Variants in LRIG3 observed in about 807,000 individuals in gnomAD.
LRIG3 encodes leucine-rich repeats and immunoglobulin-like domains protein 3.
LRIG3 carries 76 observed loss-of-function variants against 114.5 expected under a neutral mutation model. The observed-to-expected ratio is 0.66, with a 90% CI of 0.55 to 0.80. The LOEUF (loss-of-function observed/expected upper bound fraction) is 0.80. Among genes scored for constraint, LRIG3 ranks in the 30% least tolerant of loss-of-function variants. The pLI, the probability that LRIG3 is intolerant of heterozygous loss-of-function variation, is 0.00. For missense variants in LRIG3, 1,239 were observed against 1,382.8 expected, an observed-to-expected ratio of 0.90 and a Z score of 1.65; for synonymous variants, 512 against 519.8, an observed-to-expected ratio of 0.98 and a Z score of 0.20.
Position 58,872,401 on chromosome 12 carries a change from C to T in LRIG3, c.*171G>A. 1.8e-6 allele frequency: 1 copy of T among 563,044 alleles called. No individual in the cohort carries two copies. The highest frequency in any genetic ancestry group is 2.7e-6 in the Non-Finnish European group (1 of 365,090). 34.9% of individuals were successfully genotyped at this position (563,044 alleles called of 1,614,324 possible). A position where few individuals can be genotyped will look rare whatever the true frequency, so the allele number is the denominator to read the frequency against. On this transcript the variant is annotated 3_prime_UTR_variant, in exon 19 of 19. Transcript: ENST00000320743. ...AGGTATTCTTATATGAGCATCATTC[C>T]CAGTATAAAAATTTTCATAACTTTT...
intron 13 of LRIG3, 61 bp from the exon 14 acceptor site, chr12:58,879,166 T>G: frequency 6.7e-7 from 1 of 1,488,482 alleles, no homozygotes; most frequent in Non-Finnish European, 9.0e-7. Context: ...TCACTTGCAT[T>G]CCTTTTTATT....
rs536685528 is a variant in LRIG3 at position 58,884,233 on chromosome 12, A to G, written c.1245-642T>C. ...ATATACTTGTTAAAACCAATACTTC[A>G]GGCAGGAAATTCATAAAATGAGCAC... On this transcript the variant is annotated intron_variant, in intron 10 of 18. Coordinates refer to ENST00000320743, the MANE Select transcript of LRIG3 (RefSeq NM_153377.5). Among the ~76,000 whole-genome samples, 3 of 152,368 alleles carry G rather than the reference A, an allele frequency of 2.0e-5. No homozygotes were observed. In the East Asian group the frequency reaches 5.8e-4, roughly 29 times the overall value.
intron 13 of LRIG3, among the ~76,000 whole-genome samples, chr12:58,879,565 C>A (rs1194632398): frequency 6.6e-6 from 1 of 152,156 alleles, no homozygotes; most frequent in African/African-American, 2.4e-5. Context: ...ATGTGCCAGG[C>A]CACAGCCATC....
intron 3 of LRIG3, 147 bp downstream of exon 3, chr12:58,913,835 G>A (rs1872372295): frequency 1.6e-6 from 1 of 620,758 alleles, no homozygotes. Context: ...TAGAAAACAA[G>A]TTAACCAATT....
At chr12:58,877,946 A>C in intron 14 of LRIG3, 94 bp from the exon 15 acceptor site, 2 of 1,264,888 alleles carry the variant, frequency 1.6e-6, no homozygotes, top group Admixed American at 2.7e-5. Flanking sequence ...TTGTAACCTA[A>C]AATTTTATTC....
chr12:58,877,752 C>T lies in LRIG3; in HGVS notation c.2184G>A (p.Leu728=). 1 of 1,614,160 alleles carries T rather than the reference C, an allele frequency of 6.2e-7. No individual in the cohort carries two copies. The highest frequency in any genetic ancestry group is 1.6e-4 in the Middle Eastern group (1 of 6,062). The stretch of plus-strand genomic sequence containing the variant: ...ATGGGCTATCATCTTTGGTCCAGTT[C>T]AGTTTAGGGGGAGGGCTTCCTCCAG... ...CIAGGSPPPK[L]NWTKDDSPLV... The change falls in exon 15 of 19, where the codon CTG becomes CTA. Residue 728 remains leucine (L), a synonymous_variant. Transcript: ENST00000320743.
rs1871098420 is a variant in LRIG3, at chr12:58,880,706, A to C, written c.1676T>G (p.Val559Gly). The change falls in exon 13 of 19, where the codon GTG becomes GGG. Residue 559 changes from valine to glycine, a missense_variant. By Grantham distance (109) the Val-to-Gly change is moderately radical (BLOSUM62 -3). Coordinates refer to ENST00000320743, the MANE Select transcript of LRIG3 (RefSeq NM_153377.5). ...YAHLRAQGGE[V>G]MEYTTILRLR... ...CCGAAGGATGGTGGTATACTCCATC[A>C]CCTCGCCACCTTGGGCCCGGAGGTG... 6.2e-7 allele frequency: 1 copy of C among 1,614,170 alleles called. No homozygotes were observed. Among genetic ancestry groups the C allele is most frequent in the Admixed American group, 1.7e-5 (1 of 60,026 alleles).
intron 13 of LRIG3, 119 bp from the exon 14 acceptor site, chr12:58,879,224 G>C: frequency 8.3e-7 from 1 of 1,201,844 alleles, no homozygotes; most frequent in South Asian, 1.6e-5. Flanking sequence ...ACATAGATTG[G>C]GCAGGGGTTA....
chr12:58,904,621 G>C (rs1032996046), intron 3 of LRIG3, among the ~76,000 whole-genome samples: 1 of 152,114 alleles, frequency 6.6e-6, no homozygotes, highest in Non-Finnish European at 1.5e-5. Context: ...GCCCAAAATG[G>C]GTCATTGTCA....
At chr12:58,909,303 T>A (rs552606355) in intron 3 of LRIG3, among the ~76,000 whole-genome samples, 2 of 152,226 alleles carry the variant, frequency 1.3e-5, no homozygotes, top group African/African-American at 2.4e-5. Context: ...ACCCAGAACA[T>A]AGTAGGATTT....
chr12:58,904,267 G>A (rs1871978950), intron 3 of LRIG3, among the ~76,000 whole-genome samples: 1 of 152,134 alleles, frequency 6.6e-6, no homozygotes, highest in Non-Finnish European at 1.5e-5. Context: ...AAATAAGGAA[G>A]AGAAGGGGGA....
At chr12:58,887,243 C>T (rs745375408) in intron 8 of LRIG3, among the ~76,000 whole-genome samples, 15 of 151,952 alleles carry the variant, frequency 9.9e-5, no homozygotes, top group Non-Finnish European at 1.9e-4. Context: ...TACAGTATGT[C>T]TTTCAATTAC....
At chr12:58,900,897 A>T (rs1871823307) in intron 3 of LRIG3, among the ~76,000 whole-genome samples, 1 of 152,222 alleles carries the variant, frequency 6.6e-6, no homozygotes, top group Non-Finnish European at 1.5e-5. Context: ...AGGTGAGTTC[A>T]CATCCTTTGT....
At chr12:58,908,806 CATAG>C (rs1044653727) in intron 3 of LRIG3, among the ~76,000 whole-genome samples, 2 of 152,162 alleles carry the variant, frequency 1.3e-5, no homozygotes, top group African/African-American at 4.8e-5. Context: ...TTCATACATT[CATAG>C]ATAATGTAAT....
At chr12:58,907,199 C>G (rs1872099121) in intron 3 of LRIG3, among the ~76,000 whole-genome samples, 1 of 152,166 alleles carries the variant, frequency 6.6e-6, no homozygotes, top group Non-Finnish European at 1.5e-5. Flanking sequence ...GTTCAGAGCA[C>G]CTTGAAAGTG....
chr12:58,920,317 T>A lies in LRIG3; in HGVS notation c.-82A>T, dbSNP rs949307746. ...CCCGGCACAAACTTCCAGCCGAGGG[T>A]GCACGCCCGCCCTCGCGGTCGCGTG... On this transcript the variant is annotated 5_prime_UTR_variant, in exon 1 of 19. Transcript: ENST00000320743. 1.9e-6 allele frequency: 2 copies of A among 1,066,702 alleles called. No individual in the cohort carries two copies. The highest frequency in any genetic ancestry group is 3.3e-5 in the African/African-American group (2 of 59,954). The allele number at this position is 1,066,702 out of a possible 1,614,324, so 66.1% of individuals were successfully genotyped here.
At chr12:58,903,721 C>A (rs1279166766) in intron 3 of LRIG3, among the ~76,000 whole-genome samples, 2 of 151,844 alleles carry the variant, frequency 1.3e-5, no homozygotes. Context: ...AGTCTTTAAT[C>A]CATCTTGAAT....
intron 3 of LRIG3, chr12:58,913,457 T>C (rs1317697737): frequency 6.6e-6 from 1 of 152,278 alleles, no homozygotes; most frequent in African/African-American, 2.4e-5. Flanking sequence ...ACCTGCAAAG[T>C]TATTTCTGTC....
chr12:58,918,259 A>T (rs1181035514), intron 1 of LRIG3, among the ~76,000 whole-genome samples: 1 of 152,262 alleles, frequency 6.6e-6, no homozygotes, highest in African/African-American at 2.4e-5. Flanking sequence ...TGCTAACCAA[A>T]TAAACTCTAA....
Sources: allele counts gnomAD v4.1 joint callset (sites outside exome capture counted in the v4.1 genomes callset), GRCh38; gene constraint gnomAD v4.1.1; transcripts MANE v1.5; gene names NCBI Gene and HGNC (gene_info 2026-07-23, HGNC 2026-07-21).